CCAR1: variants seen among roughly 807,000 people sequenced by gnomAD.
The protein encoded by CCAR1 is cell division cycle and apoptosis regulator 1.
In CCAR1, 78 loss-of-function variants were observed where a neutral mutation model predicts 163.8. The observed-to-expected ratio is 0.48, with a 90% confidence interval of 0.40 to 0.57. The LOEUF is 0.57. Ranked by LOEUF, CCAR1 falls within the 20% of genes least tolerant of loss-of-function variation. The probability of loss-of-function intolerance (pLI) is 0.00; values close to 1 mark genes in which losing one functional copy is unlikely to be tolerated. For missense variants in CCAR1, 1,019 were observed against 1,365.2 expected (o/e 0.75, Z 4.00); for synonymous variants, 443 against 460.7 (o/e 0.96, Z 0.49).
chr10:68,755,454 A>G lies in CCAR1; in HGVS notation c.1543A>G (p.Lys515Glu), dbSNP rs752222077. ...TTCGTTGGATGGACCAGACCCAGAA[A>G]AAGATCCCTCTGTGTTGATTAAGAC... ...SPSLDGPDPE[K>E]DPSVLIKTAI... is the part of the protein sequence containing the mutation. The change falls in exon 13 of 25, where the codon AAA becomes GAA. Residue 515 changes from lysine (K) to glutamate (E), a missense_variant. By Grantham distance (56) the Lys-to-Glu change is moderately conservative (BLOSUM62 1). This residue lies in a region of CCAR1 where 644 missense variants were observed against 904.4 expected (regional missense o/e 0.71). Coordinates refer to ENST00000265872, the MANE Select transcript of CCAR1 (RefSeq NM_018237.4). 7 of 1,614,194 alleles carry G rather than the reference A, an allele frequency of 4.3e-6. No individual in the cohort carries two copies. Among genetic ancestry groups the G allele is most frequent in the South Asian group, 3.3e-5 (3 of 91,084 alleles).
chr10:68,791,281 T>A lies in CCAR1; in HGVS notation c.*15T>A, dbSNP rs774029241. 1 of 1,541,220 alleles carries A rather than the reference T, an allele frequency of 6.5e-7. No individual in the cohort carries two copies. Reference sequence around the variant, plus strand: ...CCAGTGTATGATAAAATCCATGTAGTGATGAGGAATGGTGTTAAATAATGT... The same window carrying A: ...CCAGTGTATGATAAAATCCATGTAGAGATGAGGAATGGTGTTAAATAATGT... On this transcript the variant is annotated 3_prime_UTR_variant, in exon 25 of 25. Transcript: ENST00000265872.
intron 21 of CCAR1, 151 bp from the exon 22 acceptor site, chr10:68,787,776 A>T: frequency 1.7e-6 from 1 of 602,846 alleles, no homozygotes; most frequent in Non-Finnish European, 2.8e-6. Context: ...TGGAGGTTGT[A>T]GTGAGTCGAG....
At chr10:68,724,043 A>G (rs1424791846) in intron 2 of CCAR1, among the ~76,000 whole-genome samples, 1 of 151,796 alleles carries the variant, frequency 6.6e-6, no homozygotes, top group Non-Finnish European at 1.5e-5. Flanking sequence ...CTGTAATCCT[A>G]ACTACTTGGG....
chr10:68,732,330 G>T, intron 2 of CCAR1, among the ~76,000 whole-genome samples: 1 of 151,290 alleles, frequency 6.6e-6, no homozygotes, highest in East Asian at 1.9e-4. Flanking sequence ...TCTATTACCA[G>T]AACAGTTTTG....
At chr10:68,760,317 T>G (rs1481703273) in intron 15 of CCAR1, among the ~76,000 whole-genome samples, 1 of 152,192 alleles carries the variant, frequency 6.6e-6, no homozygotes, top group Admixed American at 6.6e-5. Context: ...CTGGCTAATT[T>G]ATGAGACATT....
intron 2 of CCAR1, among the ~76,000 whole-genome samples, chr10:68,732,288 C>T (rs1564528933): frequency 6.6e-6 from 1 of 152,076 alleles, no homozygotes. Context: ...TTTTTCATAG[C>T]GTCTTGTTCC....
At chr10:68,791,112 A>T in intron 24 of CCAR1, 95 bp from the exon 25 acceptor site, 1 of 619,468 alleles carries the variant, frequency 1.6e-6, no homozygotes, top group Non-Finnish European at 2.7e-6. Flanking sequence ...ACTAGAAAAA[A>T]GTATACCAAA....
At chr10:68,788,445 A>C (rs961788238) in intron 23 of CCAR1, 117 bp downstream of exon 23, 3 of 572,860 alleles carry the variant, frequency 5.2e-6, no homozygotes, top group East Asian at 6.9e-5. Context: ...TGCATACCAG[A>C]TATTTTCATC....
At chr10:68,723,622 G>T (rs1490198201) in intron 2 of CCAR1, among the ~76,000 whole-genome samples, 1 of 151,126 alleles carries the variant, frequency 6.6e-6, no homozygotes, top group African/African-American at 2.4e-5. Flanking sequence ...GCCAAGGCGG[G>T]CAGATCACAA....
chr10:68,746,460 C>T (rs2056257270), intron 6 of CCAR1, among the ~76,000 whole-genome samples: 1 of 152,022 alleles, frequency 6.6e-6, no homozygotes, highest in African/African-American at 2.4e-5. Flanking sequence ...GAACTCCTGA[C>T]CATGTTAGCC....
chr10:68,777,700 A>G (rs2056683445), intron 19 of CCAR1, among the ~76,000 whole-genome samples: 1 of 149,194 alleles, frequency 6.7e-6, no homozygotes, highest in Non-Finnish European at 1.5e-5. Flanking sequence ...AAAAAAAGCC[A>G]CTGTTCAGAT....
At chr10:68,736,519 T>C (rs938995177) in intron 2 of CCAR1, among the ~76,000 whole-genome samples, 1 of 152,170 alleles carries the variant, frequency 6.6e-6, no homozygotes, top group Admixed American at 6.6e-5. Context: ...GTAGCCACCA[T>C]TTTACTCTGT....
intron 10 of CCAR1, among the ~76,000 whole-genome samples, chr10:68,752,506 TCC>T (rs2056345072): frequency 6.6e-6 from 1 of 152,166 alleles, no homozygotes; most frequent in Non-Finnish European, 1.5e-5. Context: ...TTGTAACACT[TCC>T]TTAAAAACAA....
rs2056386821 is a variant in CCAR1 at position 68,755,376 on chromosome 10, G to A, written c.1465G>A (p.Val489Met). 6.2e-7 allele frequency: 1 copy of A among 1,610,212 alleles called. No homozygotes were observed. The highest frequency in any genetic ancestry group is 8.5e-7 in the Non-Finnish European group (1 of 1,178,076). ...QHPARLVKFLVGMKGKDEAMA... is the reference protein window; with the variant it reads ...QHPARLVKFLMGMKGKDEAMA... ...ATTCTTTGTTTTGAATTAGTTTTTAGTGGGCATGAAAGGCAAGGATGAAGC... is the reference window on the plus strand; with the variant it reads ...ATTCTTTGTTTTGAATTAGTTTTTAATGGGCATGAAAGGCAAGGATGAAGC... Residue 489 changes from valine to methionine, a missense_variant, in exon 13 of 25, where the codon GTG becomes ATG. Transcript: ENST00000265872.
rs7913553 is a variant in CCAR1, at chr10:68,733,532, C to T, written c.74-3344C>T. Among the ~76,000 whole-genome samples, 874 of 151,028 alleles carry T rather than the reference C, an allele frequency of 5.8e-3. 12 individuals are homozygous for T. Among genetic ancestry groups the T allele is most frequent in the African/African-American group, 0.02 (832 of 41,122 alleles). On this transcript the variant is annotated intron_variant, in intron 2 of 24. Transcript: ENST00000265872. ...TTCTCTTTCTTTAAATTTTAAAAAT[C>T]TGGTTTTGGCCTGAAATCCCAGCAC...
intron 2 of CCAR1, among the ~76,000 whole-genome samples, chr10:68,725,456 G>A (rs1327185018): frequency 2.0e-5 from 3 of 151,794 alleles, no homozygotes; most frequent in African/African-American, 7.3e-5. Context: ...AATAGAAAAT[G>A]TTATTGAAGC....
intron 2 of CCAR1, among the ~76,000 whole-genome samples, chr10:68,736,397 A>G (rs2056111054): frequency 6.6e-6 from 1 of 152,120 alleles, no homozygotes; most frequent in East Asian, 1.9e-4. Flanking sequence ...TATATAATGT[A>G]TTGTTATTAA....
intron 8 of CCAR1, among the ~76,000 whole-genome samples, chr10:68,748,795 C>T (rs2056293018): frequency 6.6e-6 from 1 of 151,982 alleles, no homozygotes; most frequent in Non-Finnish European, 1.5e-5. Context: ...CTCACTGCAG[C>T]CTCGACCTCC....
At chr10:68,760,960 C>A (rs769408976) in intron 15 of CCAR1, 47 bp from the exon 16 acceptor site, 4 of 790,516 alleles carry the variant, frequency 5.1e-6, no homozygotes, top group Non-Finnish European at 7.5e-6. Context: ...GCCCCCCGCC[C>A]CCCGCCACCT....
Sources: allele counts gnomAD v4.1 joint callset (sites outside exome capture counted in the v4.1 genomes callset), GRCh38; gene constraint gnomAD v4.1.1; regional missense constraint gnomAD v4.1.1; transcripts MANE v1.5; gene names NCBI Gene and HGNC (gene_info 2026-07-23, HGNC 2026-07-21).